The following SLC9A8 variants were observed in gnomAD, a reference collection of about 807,000 sequenced individuals.
SLC9A8 encodes the protein sodium/hydrogen exchanger 8.
SLC9A8 carries 48 observed loss-of-function variants against 66.6 expected under a neutral mutation model. The observed-to-expected ratio is 0.72, with a 90% CI of 0.57 to 0.92. The LOEUF is 0.92. Among genes scored for constraint, SLC9A8 ranks in the 40% least tolerant of loss-of-function variants. The probability of loss-of-function intolerance (pLI) is 0.00; values close to 1 mark genes in which losing one functional copy is unlikely to be tolerated. For synonymous variants in SLC9A8, 274 were observed against 282.6 expected (o/e 0.97, Z 0.31); for missense variants, 599 against 747.3 (o/e 0.80, Z 2.31).
intron 10 of SLC9A8, among the ~76,000 whole-genome samples, chr20:49,869,831 CAAAA>C (rs3091941): frequency 1.3e-5 from 2 of 148,794 alleles, no homozygotes; most frequent in African/African-American, 2.5e-5. Context: ...GACTCCATCT[CAAAA>C]AAAAAAATAA....
At chr20:49,856,597 G>A (rs2088494120) in intron 8 of SLC9A8, among the ~76,000 whole-genome samples, 2 of 152,176 alleles carry the variant, frequency 1.3e-5, no homozygotes, top group African/African-American at 2.4e-5. Context: ...CAAGGCGGGT[G>A]GATCACCTGA....
At chr20:49,858,530 G>A (rs1305973782) in intron 8 of SLC9A8, among the ~76,000 whole-genome samples, 1 of 151,588 alleles carries the variant, frequency 6.6e-6, no homozygotes, top group Non-Finnish European at 1.5e-5. Context: ...ATTTTTCAGA[G>A]GTAGGATCTT....
intron 5 of SLC9A8, 91 bp downstream of exon 5, chr20:49,845,210 G>A: frequency 1.2e-6 from 1 of 845,614 alleles, no homozygotes; most frequent in Non-Finnish European, 2.0e-6. Flanking sequence ...TAATTTAGCA[G>A]CAGCAGCAGC....
intron 8 of SLC9A8, among the ~76,000 whole-genome samples, chr20:49,858,770 C>T (rs1315445087): frequency 6.6e-6 from 1 of 151,842 alleles, no homozygotes; most frequent in Non-Finnish European, 1.5e-5. Context: ...CCAGCCTTGC[C>T]AACGTGGTGA....
Position 49,889,928 on chromosome 20 carries a change from A to G in SLC9A8, c.*1992A>G, listed in dbSNP as rs771975573. 1.3e-5 allele frequency: 2 copies of G among 152,212 alleles called. No homozygotes were observed. The highest frequency in any genetic ancestry group is 2.9e-5 in the Non-Finnish European group (2 of 68,046). 9.4% of individuals were successfully genotyped at this position (152,212 alleles called of 1,614,324 possible). A position where few individuals can be genotyped will look rare whatever the true frequency, so the allele number is the denominator to read the frequency against. On this transcript the variant is annotated 3_prime_UTR_variant, in exon 16 of 16. Coordinates refer to ENST00000361573, the MANE Select transcript of SLC9A8 (RefSeq NM_015266.3). ...TTAAATTCACAGATAAAGCAATGAA[A>G]AGAGTCAGATCCCATTTCCGTCTGC... is the stretch of plus-strand genomic sequence containing the variant.
chr20:49,879,278 C>G (rs1209180195), intron 12 of SLC9A8, among the ~76,000 whole-genome samples: 1 of 152,116 alleles, frequency 6.6e-6, no homozygotes, highest in Non-Finnish European at 1.5e-5. Context: ...CAGTTCCTGC[C>G]CTGTAAACTC....
chr20:49,839,003 C>T (rs1416847483), intron 3 of SLC9A8, among the ~76,000 whole-genome samples: 2 of 152,200 alleles, frequency 1.3e-5, no homozygotes, highest in Admixed American at 6.5e-5. Context: ...ATGAGCCTGT[C>T]AGCTTTATGG....
intron 3 of SLC9A8, among the ~76,000 whole-genome samples, chr20:49,825,871 A>G (rs946362109): frequency 6.6e-6 from 1 of 152,126 alleles, no homozygotes; most frequent in Non-Finnish European, 1.5e-5. Flanking sequence ...TTGGTGTGGT[A>G]AGCCCTTAAA....
At chr20:49,881,387 G>A (rs1463602737) in intron 13 of SLC9A8, among the ~76,000 whole-genome samples, 1 of 152,172 alleles carries the variant, frequency 6.6e-6, no homozygotes, top group African/African-American at 2.4e-5. Flanking sequence ...ATGGTCTCAA[G>A]GTAGAAAAGG....
Position 49,878,037 on chromosome 20 carries a change from GA to G in SLC9A8, c.1135del (p.Ile379PhefsTer8). 1 of 1,599,056 alleles carries G rather than the reference GA, an allele frequency of 6.3e-7. No individual in the cohort carries two copies. The highest frequency in any genetic ancestry group is 1.1e-5 in the South Asian group (1 of 86,998). ...LSIFSFPHKF[E>X]ISFVIWCIVL... ...CATTTTTAGTTTTCCTCACAAGTTT[GA>G]AATTTCCTTTGTCATCTGGTGCATA... is the stretch of plus-strand genomic sequence containing the variant. On this transcript the variant is annotated frameshift_variant, in exon 12 of 16. Transcript: ENST00000361573. LOFTEE classifies it high-confidence loss of function.
intron 11 of SLC9A8, among the ~76,000 whole-genome samples, chr20:49,877,719 G>C (rs573509496): frequency 6.6e-6 from 1 of 152,172 alleles, no homozygotes; most frequent in Non-Finnish European, 1.5e-5. Flanking sequence ...GGGTGGGATC[G>C]TGTTTATTTG....
At chr20:49,884,349 C>T (rs1014560748) in intron 14 of SLC9A8, among the ~76,000 whole-genome samples, 2 of 149,834 alleles carry the variant, frequency 1.3e-5, no homozygotes, top group Non-Finnish European at 3.0e-5. Context: ...CCCCGGTCAT[C>T]CCCCCTGAGA....
Position 49,812,886 on chromosome 20 carries a change from G to T in SLC9A8, c.-37G>T, listed in dbSNP as rs563754796. ...AGCAAAAGCGGGTCCTGCTAGCCCCGCGGCTCCGAACTCGGTGGTCCTGGA... is the reference window on the plus strand; with the variant it reads ...AGCAAAAGCGGGTCCTGCTAGCCCCTCGGCTCCGAACTCGGTGGTCCTGGA... On this transcript the variant is annotated 5_prime_UTR_variant, in exon 1 of 16. Coordinates refer to ENST00000361573, the MANE Select transcript of SLC9A8 (RefSeq NM_015266.3). 9 of 1,498,086 alleles carry T rather than the reference G, an allele frequency of 6.0e-6. No individual in the cohort carries two copies. Among genetic ancestry groups the T allele is most frequent in the Non-Finnish European group, 8.0e-6 (9 of 1,125,616 alleles). 92.8% of individuals were successfully genotyped at this position (1,498,086 alleles called of 1,614,324 possible).
rs1446488248 is a variant in SLC9A8 at position 49,883,924 on chromosome 20, C to T, written c.1349C>T (p.Thr450Ile). The change falls in exon 14 of 16, where the codon ACC becomes ATC. Residue 450 changes from threonine to isoleucine, a missense_variant. Thr to Ile is a moderately conservative substitution (Grantham distance 89). This residue lies in a region of SLC9A8 where 467 missense variants were observed against 626.5 expected (regional missense o/e 0.75). Transcript: ENST00000361573. Reference sequence around the variant, plus strand: ...ATGGAGAAGCGGCAGCTCATCGGCACCACCACCATCGTCATCGTGCTCTTC... The same window carrying T: ...ATGGAGAAGCGGCAGCTCATCGGCATCACCACCATCGTCATCGTGCTCTTC... Reference protein sequence around the residue: ...EPMEKRQLIGTTTIVIVLFTI... With the variant: ...EPMEKRQLIGITTIVIVLFTI... The T allele has an allele frequency of 1.2e-6, 2 of 1,611,968 alleles. No individual in the cohort carries two copies. The highest frequency in any genetic ancestry group is 1.7e-5 in the Admixed American group (1 of 60,000).
intron 2 of SLC9A8, among the ~76,000 whole-genome samples, chr20:49,819,791 A>G (rs1445876859): frequency 6.6e-6 from 1 of 152,226 alleles, no homozygotes; most frequent in African/African-American, 2.4e-5. Flanking sequence ...AAATGAAACC[A>G]TATAATACGT....
intron 13 of SLC9A8, 50 bp downstream of exon 13, chr20:49,881,085 C>T (rs774618768): frequency 1.2e-5 from 15 of 1,302,958 alleles, no homozygotes; most frequent in African/African-American, 5.8e-5. Context: ...GTTAAAAGCA[C>T]GCCCCATACA....
At chr20:49,813,283 C>T (rs1386462091) in intron 1 of SLC9A8, among the ~76,000 whole-genome samples, 2 of 152,250 alleles carry the variant, frequency 1.3e-5, no homozygotes, top group African/African-American at 2.4e-5. Flanking sequence ...TCCAGGAAGT[C>T]GTCCGGGTTC....
At chr20:49,869,588 C>A (rs1321510738) in intron 10 of SLC9A8, among the ~76,000 whole-genome samples, 1 of 150,700 alleles carries the variant, frequency 6.6e-6, no homozygotes, top group Admixed American at 6.6e-5. Flanking sequence ...AATCCCAGCA[C>A]TTTGGGAGGC....
At position 49,849,599 on chromosome 20, in the gene SLC9A8, T is replaced by C. The variant is rs200502929; in HGVS notation, c.453T>C (p.Ile151=). Residue 151 remains isoleucine, a synonymous_variant, in exon 6 of 16, where the codon ATT becomes ATC. Coordinates refer to ENST00000361573, the MANE Select transcript of SLC9A8 (RefSeq NM_015266.3). ...SLHKGNFFQN[I]GSITLFAVFG... Reference sequence around the variant, plus strand: ...AACAGGGTAACTTCTTTCAAAATATTGGTTCCATCACCCTGTTTGCTGTTT... The same window carrying C: ...AACAGGGTAACTTCTTTCAAAATATCGGTTCCATCACCCTGTTTGCTGTTT... 14 of 1,613,442 alleles carry C rather than the reference T, an allele frequency of 8.7e-6. No homozygotes were observed. The Admixed American group carries it at 2.2e-4, about 25-fold the overall frequency.
Sources: allele counts gnomAD v4.1 joint callset (sites outside exome capture counted in the v4.1 genomes callset), GRCh38; gene constraint gnomAD v4.1.1; regional missense constraint gnomAD v4.1.1; transcripts MANE v1.5; gene names NCBI Gene and HGNC (gene_info 2026-07-23, HGNC 2026-07-21).